Variants in SYNE3 observed in about 807,000 individuals in gnomAD.
SYNE3 encodes nesprin-3.
Under a neutral mutation model 111.2 loss-of-function variants are expected in SYNE3, and 100 were observed. The observed-to-expected ratio is 0.90, with a 90% confidence interval of 0.77 to 1.06. The LOEUF is 1.06. Ranked by LOEUF, SYNE3 falls within the 50% of genes least tolerant of loss-of-function variation. SYNE3 has a pLI of 0.00. For missense variants in SYNE3, 1,160 were observed against 1,240.3 expected, an observed-to-expected ratio of 0.94 and a Z score of 0.97; for synonymous variants, 547 against 533.9, an observed-to-expected ratio of 1.02 and a Z score of -0.34.
rs1889585737 is a variant in SYNE3, at chr14:95,487,047, T to C, written c.-14-11212A>G. Among the ~76,000 whole-genome samples, 2 of 152,188 alleles carry C rather than the reference T, an allele frequency of 1.3e-5. 1 individual carries two copies. Among genetic ancestry groups the C allele is most frequent in the South Asian group, 4.1e-4 (2 of 4,832 alleles). On this transcript the variant is annotated intron_variant, in intron 1 of 17. Coordinates refer to ENST00000682763, the MANE Select transcript of SYNE3 (RefSeq NM_152592.6). ...TCTGGGTGCCACAGCTCCAGTTAGT[T>C]CTGCCTGGAGAGTCCTTCCCCCACT...
At chr14:95,444,884 C>A (rs1241941368) in intron 9 of SYNE3, among the ~76,000 whole-genome samples, 2 of 152,194 alleles carry the variant, frequency 1.3e-5, no homozygotes, top group Non-Finnish European at 2.9e-5. Flanking sequence ...CACCCACCGA[C>A]CAAATCCCAC....
intron 15 of SYNE3, among the ~76,000 whole-genome samples, chr14:95,434,430 G>C (rs896312161): frequency 6.6e-6 from 1 of 152,146 alleles, no homozygotes; most frequent in African/African-American, 2.4e-5. Flanking sequence ...TAGAGATTCT[G>C]ATAGGGTTCA....
chr14:95,505,780 A>C (rs1483313885), intron 1 of SYNE3, among the ~76,000 whole-genome samples: 2 of 152,132 alleles, frequency 1.3e-5, no homozygotes, highest in Non-Finnish European at 2.9e-5. Context: ...GTTTAACTCT[A>C]TCTGGATAAT....
chr14:95,505,486 G>A (rs1210702023), intron 1 of SYNE3, among the ~76,000 whole-genome samples: 1 of 152,060 alleles, frequency 6.6e-6, no homozygotes, highest in East Asian at 1.9e-4. Flanking sequence ...CAGAATATTG[G>A]GCCTTAGAGG....
chr14:95,456,413 C>T (rs779972045), intron 5 of SYNE3, among the ~76,000 whole-genome samples: 2 of 152,234 alleles, frequency 1.3e-5, no homozygotes, highest in Non-Finnish European at 2.9e-5. Flanking sequence ...TCTCCCTTGG[C>T]ACCATTGCCA....
chr14:95,430,877 G>T (rs547396213), intron 17 of SYNE3, among the ~76,000 whole-genome samples: 1 of 152,084 alleles, frequency 6.6e-6, no homozygotes, highest in African/African-American at 2.4e-5. Flanking sequence ...ACCCCAAGGG[G>T]CCAAACAACT....
chr14:95,475,542 T>C lies in SYNE3; in HGVS notation c.144+136A>G, dbSNP rs571657777. On this transcript the variant is annotated intron_variant, in intron 2 of 17. Coordinates refer to ENST00000682763, the MANE Select transcript of SYNE3 (RefSeq NM_152592.6). ...ACACTTAAACAAAATCTCCAGGAGA[T>C]CTGTGTGCACATCAGAGTTTGAGAA... 9 of 1,045,262 alleles carry C rather than the reference T, an allele frequency of 8.6e-6. No homozygotes were observed. In the African/African-American group the frequency reaches 1.5e-4, roughly 17 times the overall value. 64.7% of individuals were successfully genotyped at this position (1,045,262 alleles called of 1,614,324 possible). A position where few individuals can be genotyped will look rare whatever the true frequency, so the allele number is the denominator to read the frequency against.
intron 15 of SYNE3, among the ~76,000 whole-genome samples, chr14:95,436,310 T>G (rs1214794880): frequency 6.6e-6 from 1 of 152,228 alleles, no homozygotes; most frequent in Non-Finnish European, 1.5e-5. Flanking sequence ...TTTTCTGCCC[T>G]GCCTCTGCTA....
intron 1 of SYNE3, among the ~76,000 whole-genome samples, chr14:95,486,347 C>T (rs1430012628): frequency 1.3e-5 from 2 of 152,104 alleles, no homozygotes; most frequent in African/African-American, 4.8e-5. Context: ...GGCACTGACA[C>T]CTGTCCCCCA....
At position 95,475,772 on chromosome 14, in the gene SYNE3, T is replaced by C; in HGVS notation, c.50A>G (p.Gln17Arg). 1 of 1,605,420 alleles carries C rather than the reference T, an allele frequency of 6.2e-7. No homozygotes were observed. Among genetic ancestry groups the C allele is most frequent in the Non-Finnish European group, 8.5e-7 (1 of 1,176,514 alleles). Reference protein sequence around the residue: ...DDFDRSVEDAQAWMKAVQDQL... With the variant: ...DDFDRSVEDARAWMKAVQDQL... ...GTCCTGCACAGCCTTCATCCATGCC[T>C]GGGCATCCTCCACGCTCCTGTCAAA... Residue 17 changes from glutamine (Q) to arginine (R), a missense_variant, in exon 2 of 18, where the codon CAG (glutamine) becomes CGG (arginine). Physicochemically the swap from Gln to Arg is conservative, Grantham distance 43. Transcript: ENST00000682763.
At chr14:95,452,915 G>T (rs565844697) in intron 6 of SYNE3, among the ~76,000 whole-genome samples, 3 of 152,198 alleles carry the variant, frequency 2.0e-5, no homozygotes, top group Non-Finnish European at 4.4e-5. Context: ...AGGCCTAGAA[G>T]CTATTTGCAT....
At chr14:95,490,604 A>G (rs1368539185) in intron 1 of SYNE3, among the ~76,000 whole-genome samples, 1 of 152,264 alleles carries the variant, frequency 6.6e-6, no homozygotes, top group Non-Finnish European at 1.5e-5. Flanking sequence ...CTTGTAGACA[A>G]GTGTCCAGCA....
At chr14:95,477,191 G>A (rs1484779828) in intron 1 of SYNE3, among the ~76,000 whole-genome samples, 3 of 152,370 alleles carry the variant, frequency 2.0e-5, no homozygotes, top group Admixed American at 2.0e-4. Context: ...GAGCCCAGGA[G>A]TTCAAGAAAA....
intron 4 of SYNE3, 50 bp downstream of exon 4, chr14:95,465,881 G>A: frequency 1.3e-6 from 2 of 1,518,096 alleles, no homozygotes; most frequent in Non-Finnish European, 1.8e-6. Context: ...GATAAGGGTG[G>A]ATACATGGAT....
chr14:95,500,540 C>T lies in SYNE3; in HGVS notation c.-15+16056G>A, dbSNP rs937649924. Reference sequence around the variant, plus strand: ...TTTGCTTTGGCCCAGCCGGACTCAGCGGGAGGAGGCTGCCTTCCTCCTGGA... The same window carrying T: ...TTTGCTTTGGCCCAGCCGGACTCAGTGGGAGGAGGCTGCCTTCCTCCTGGA... On this transcript the variant is annotated intron_variant, in intron 1 of 17. Transcript: ENST00000682763. The surrounding 1 kb of genome is among the most constrained non-coding windows in gnomAD (Gnocchi z 4.7). Among the ~76,000 whole-genome samples the T allele has an allele frequency of 2.6e-5, 4 of 152,210 alleles. No homozygotes were observed. The highest frequency in any genetic ancestry group is 6.5e-5 in the Admixed American group (1 of 15,278).
intron 2 of SYNE3, 126 bp downstream of exon 2, chr14:95,475,552 C>A: frequency 8.8e-7 from 1 of 1,130,476 alleles, no homozygotes; most frequent in Non-Finnish European, 1.2e-6. Flanking sequence ...TCTGTGTGCA[C>A]ATCAGAGTTT....
chr14:95,456,953 C>T (rs8005439), intron 5 of SYNE3, among the ~76,000 whole-genome samples: 3,605 of 151,990 alleles, frequency 0.024, 139 homozygotes, highest in African/African-American at 0.083. Flanking sequence ...GGCATGGTGG[C>T]GGGTGCCTGT....
rs1231243622 is a variant in SYNE3, at chr14:95,440,062, C to T, written c.1925G>A (p.Arg642Lys). 2 of 1,604,376 alleles carry T rather than the reference C, an allele frequency of 1.2e-6. No homozygotes were observed. The highest frequency in any genetic ancestry group is 1.1e-5 in the South Asian group (1 of 90,884). The part of the protein sequence containing the change: ...LQRSLEDLVD[R>K]CRQSVQEHCT... ...GTGCTCCTGCACACTCTGCCGACAC[C>T]TGTCCACAAGGTCCTGCAGCACAGC... Residue 642 changes from arginine (R) to lysine (K), a missense_variant, in exon 12 of 18, where the codon AGG becomes AAG. Transcript: ENST00000682763.
At chr14:95,458,096 A>C (rs893235921) in intron 4 of SYNE3, among the ~76,000 whole-genome samples, 3 of 152,208 alleles carry the variant, frequency 2.0e-5, no homozygotes, top group Non-Finnish European at 4.4e-5. Context: ...TTGGAAAAAC[A>C]GTGGTGTCCT....
Sources: allele counts gnomAD v4.1 joint callset (sites outside exome capture counted in the v4.1 genomes callset), GRCh38; gene constraint gnomAD v4.1.1; non-coding constraint Gnocchi (gnomAD v3.1); transcripts MANE v1.5; gene names NCBI Gene and HGNC (gene_info 2026-07-23, HGNC 2026-07-21).